The following EGR1 variants were observed in gnomAD, a reference collection of about 807,000 sequenced individuals.
EGR1 encodes the protein early growth response protein 1.
A neutral mutation model predicts 30.2 loss-of-function variants in EGR1; 8 were observed. That is an observed-to-expected ratio of 0.26 (90% CI 0.16 to 0.48). EGR1 has a LOEUF of 0.48. Ranked by LOEUF, EGR1 falls within the 20% of genes least tolerant of loss-of-function variation. The pLI, the probability that EGR1 is intolerant of heterozygous loss-of-function variation, is 0.99. For synonymous variants in EGR1, 334 were observed against 312.8 expected (o/e 1.07, Z -0.72); for missense variants, 568 against 732.3 (o/e 0.78, Z 2.59).
In EGR1 at chr5:138,467,167, T is replaced by C; in HGVS notation, c.718T>C (p.Tyr240His). ...AGCGCTCCAGTACCCGCCTCCTGCC[T>C]ACCCTGCCGCCAAGGGTGGCTTCCA... ...GTALQYPPPA[Y>H]PAAKGGFQVP... The change falls in exon 2 of 2, where the codon TAC (tyrosine) becomes CAC (histidine). Residue 240 changes from tyrosine (Y) to histidine (H), a missense_variant. By Grantham distance (83) the Tyr-to-His change is moderately conservative. Coordinates refer to ENST00000239938, the MANE Select transcript of EGR1 (RefSeq NM_001964.3). The surrounding 1 kb of genome is among the most constrained non-coding windows in gnomAD (Gnocchi z 8.3). The C allele has an allele frequency of 6.2e-7, 1 of 1,613,056 alleles. No individual in the cohort carries two copies. The highest frequency in any genetic ancestry group is 8.5e-7 in the Non-Finnish European group (1 of 1,179,942).
Position 138,468,458 on chromosome 5 carries a change from T to C in EGR1, c.*377T>C. The C allele has an allele frequency of 2.4e-6, 1 of 415,328 alleles. No homozygotes were observed. Among genetic ancestry groups the C allele is most frequent in the African/African-American group, 2.0e-5 (1 of 49,718 alleles). The allele number at this position is 415,328 out of a possible 1,614,324, so 25.7% of individuals were successfully genotyped here. A position where few individuals can be genotyped will look rare whatever the true frequency, so the allele number is the denominator to read the frequency against. On this transcript the variant is annotated 3_prime_UTR_variant, in exon 2 of 2. Transcript: ENST00000239938. Reference sequence around the variant, plus strand: ...GTTGGCAAAATGGGGTTTGGGCCCCTCAGAGCCCTGCCCTGCACCCTTGTA... The same window carrying C: ...GTTGGCAAAATGGGGTTTGGGCCCCCCAGAGCCCTGCCCTGCACCCTTGTA...
At position 138,467,814 on chromosome 5, in the gene EGR1, TACCTCTTATCCATCCCCGGCCACC is replaced by T. The variant is rs764267087; in HGVS notation, c.1371_1394del (p.Ala462_Pro469del). 8.4e-5 allele frequency: 136 copies of T among 1,613,248 alleles called. No individual in the cohort carries two copies. The highest frequency in any genetic ancestry group is 1.6e-4 in the Middle Eastern group (1 of 6,080). On this transcript the variant is annotated inframe_deletion, in exon 2 of 2. Coordinates refer to ENST00000239938, the MANE Select transcript of EGR1 (RefSeq NM_001964.3). The surrounding 1 kb of genome is among the most constrained non-coding windows in gnomAD (Gnocchi z 8.3). ...CTACCTCTTACCCGTCCCCGGTTAC[TACCTCTTATCCATCCCCGGCCACC>T]ACCTCATACCCATCCCCTGTGCCCA...
At position 138,468,168 on chromosome 5, in the gene EGR1, GGGTT is replaced by G; in HGVS notation, c.*88_*91del. 1 of 1,528,546 alleles carries G rather than the reference GGGTT, an allele frequency of 6.5e-7. No homozygotes were observed. The highest frequency in any genetic ancestry group is 1.4e-5 in the African/African-American group (1 of 72,562). The allele number at this position is 1,528,546 out of a possible 1,614,324, so 94.7% of individuals were successfully genotyped here. A position where few individuals can be genotyped will look rare whatever the true frequency, so the allele number is the denominator to read the frequency against. On this transcript the variant is annotated 3_prime_UTR_variant, in exon 2 of 2. Transcript: ENST00000239938. ...AGGAGGAGATGGCCATAGGAGAGGA[GGGTT>G]CCTCTTAGGTCAGATGGAGGTTCTC...
Position 138,466,892 on chromosome 5 carries a change from C to T in EGR1, c.443C>T (p.Thr148Ile). ...SLEPAPNSGN[T>I]LWPEPLFSLV... is the part of the protein sequence containing the mutation. Reference sequence around the variant, plus strand: ...GAGCCTGCACCCAACAGTGGCAACACCTTGTGGCCCGAGCCCCTCTTCAGC... The same window carrying T: ...GAGCCTGCACCCAACAGTGGCAACATCTTGTGGCCCGAGCCCCTCTTCAGC... Residue 148 changes from threonine (T) to isoleucine (I), a missense_variant, in exon 2 of 2, where the codon ACC becomes ATC. Thr to Ile is a moderately conservative substitution (Grantham distance 89). Transcript: ENST00000239938. 6.2e-7 allele frequency: 1 copy of T among 1,614,114 alleles called. No homozygotes were observed. Among genetic ancestry groups the T allele is most frequent in the Non-Finnish European group, 8.5e-7 (1 of 1,180,026 alleles).
chr5:138,465,770 G>A lies in EGR1; in HGVS notation c.9G>A (p.Ala3=). 1 of 1,599,844 alleles carries A rather than the reference G, an allele frequency of 6.3e-7. No individual in the cohort carries two copies. The highest frequency in any genetic ancestry group is 1.1e-5 in the South Asian group (1 of 90,214). The change falls in exon 1 of 2, where the codon GCG becomes GCA. Residue 3 remains alanine (A), a synonymous_variant. Transcript: ENST00000239938. ...CAGCCTGCTCGTCCAGGATGGCCGC[G>A]GCCAAGGCCGAGATGCAGCTGATGT... MA[A]AKAEMQLMSP...
At position 138,467,559 on chromosome 5, in the gene EGR1, C is replaced by A; in HGVS notation, c.1110C>A (p.Cys370Ter). 1 of 1,613,898 alleles carries A rather than the reference C, an allele frequency of 6.2e-7. No homozygotes were observed. Reference sequence around the variant, plus strand: ...ACACAGGCCAGAAGCCCTTCCAGTGCCGCATCTGCATGCGCAACTTCAGCC... The same window carrying A: ...ACACAGGCCAGAAGCCCTTCCAGTGACGCATCTGCATGCGCAACTTCAGCC... The part of the protein sequence containing the change: ...RIHTGQKPFQ[C>*]RICMRNFSRS... Residue 370 changes from cysteine to a stop codon, truncating the protein, a stop_gained, in exon 2 of 2, where the codon TGC becomes TGA. Transcript: ENST00000239938. LOFTEE classifies it high-confidence loss of function. The surrounding 1 kb of genome is among the most constrained non-coding windows in gnomAD (Gnocchi z 8.3).
Position 138,465,601 on chromosome 5 carries a change from C to T in EGR1, c.-161C>T, listed in dbSNP as rs1764140885. On this transcript the variant is annotated 5_prime_UTR_variant, in exon 1 of 2. Transcript: ENST00000239938. ...GCAGCCGCGGCGCGTCCACGCCCGC[C>T]CGCGCCCAGGGCGAGTCGGGGTCGC... 3 of 729,400 alleles carry T rather than the reference C, an allele frequency of 4.1e-6. No homozygotes were observed. The highest frequency in any genetic ancestry group is 8.9e-5 in the South Asian group (2 of 22,510). The allele number at this position is 729,400 out of a possible 1,614,324, so 45.2% of individuals were successfully genotyped here. A position where few individuals can be genotyped will look rare whatever the true frequency, so the allele number is the denominator to read the frequency against.
In EGR1 at chr5:138,465,856, A is replaced by T. The variant is rs1427288402; in HGVS notation, c.95A>T (p.Tyr32Phe). 1 of 1,613,684 alleles carries T rather than the reference A, an allele frequency of 6.2e-7. No individual in the cohort carries two copies. The highest frequency in any genetic ancestry group is 1.3e-5 in the African/African-American group (1 of 74,890). The part of the protein sequence containing the change: ...SFPHSPTMDN[Y>F]PKLEEMMLLS... ...CCTCACTCGCCCACCATGGACAACT[A>T]CCCTAAGCTGGAGGAGATGATGCTG... is the stretch of plus-strand genomic sequence containing the variant. The change falls in exon 1 of 2, where the codon TAC (tyrosine) becomes TTC (phenylalanine). Residue 32 changes from tyrosine to phenylalanine, a missense_variant. Physicochemically the swap from Tyr to Phe is conservative, Grantham distance 22. Transcript: ENST00000239938.
chr5:138,466,027 A>C lies in EGR1; in HGVS notation c.266A>C (p.Gln89Pro). ...SSSSSSTFNP[Q>P]ADTGEQPYEH... ...AGCAGCAGCAGCACCTTCAACCCTC[A>C]GGCGGACACGGGCGAGCAGCCCTAC... The change falls in exon 1 of 2, where the codon CAG becomes CCG. Residue 89 changes from glutamine to proline, a missense_variant. Physicochemically the swap from Gln to Pro is moderately conservative, Grantham distance 76. This residue lies in a region of EGR1 where 415 missense variants were observed against 445.2 expected (regional missense o/e 0.93). Transcript: ENST00000239938. 1 of 1,603,994 alleles carries C rather than the reference A, an allele frequency of 6.2e-7. No homozygotes were observed.
rs1580993026 is a variant in EGR1, at chr5:138,468,512, C to T, written c.*431C>T. 4.7e-6 allele frequency: 1 copy of T among 213,688 alleles called. No individual in the cohort carries two copies. Among genetic ancestry groups the T allele is most frequent in the Non-Finnish European group, 9.9e-6 (1 of 100,966 alleles). The allele number at this position is 213,688 out of a possible 1,614,324, so 13.2% of individuals were successfully genotyped here. On this transcript the variant is annotated 3_prime_UTR_variant, in exon 2 of 2. Coordinates refer to ENST00000239938, the MANE Select transcript of EGR1 (RefSeq NM_001964.3). ...TGTCTGTGCCATGGATTTCGTTTTT[C>T]TTGGGGTACTCTTGATGTGAAGATA...
rs1431546100 is a variant in EGR1 at position 138,467,368 on chromosome 5, C to A, written c.919C>A (p.Leu307Ile). 1.2e-6 allele frequency: 2 copies of A among 1,614,062 alleles called. No homozygotes were observed. Among genetic ancestry groups the A allele is most frequent in the Non-Finnish European group, 1.7e-6 (2 of 1,180,048 alleles). Residue 307 changes from leucine to isoleucine, a missense_variant, in exon 2 of 2, where the codon CTC (leucine) becomes ATC (isoleucine). Leu to Ile is a conservative substitution (Grantham distance 5). This residue lies in a region of EGR1 where 415 missense variants were observed against 445.2 expected (regional missense o/e 0.93). Coordinates refer to ENST00000239938, the MANE Select transcript of EGR1 (RefSeq NM_001964.3). The surrounding 1 kb of genome is among the most constrained non-coding windows in gnomAD (Gnocchi z 8.3). ...GTCGGGCTCCCAGGACCTGAAGGCC[C>A]TCAATACCAGCTACCAGTCCCAGCT... ...TQSGSQDLKA[L>I]NTSYQSQLIK...
At position 138,467,708 on chromosome 5, in the gene EGR1, G is replaced by A; in HGVS notation, c.1259G>A (p.Arg420Gln). The A allele has an allele frequency of 6.2e-7, 1 of 1,614,174 alleles. No individual in the cohort carries two copies. Among genetic ancestry groups the A allele is most frequent in the East Asian group, 2.2e-5 (1 of 44,884 alleles). The part of the protein sequence containing the change: ...ERKRHTKIHL[R>Q]QKDKKADKSV... The stretch of plus-strand genomic sequence containing the variant: ...AAGAGGCATACCAAGATCCACTTGC[G>A]GCAGAAGGACAAGAAAGCAGACAAA... Residue 420 changes from arginine (R) to glutamine (Q), a missense_variant, in exon 2 of 2, where the codon CGG becomes CAG. Arg to Gln is a conservative substitution (Grantham distance 43). Around this residue, in one of 4 missense-constraint regions of EGR1, gnomAD observed 118 missense variants for 161.6 expected, o/e 0.73. Coordinates refer to ENST00000239938, the MANE Select transcript of EGR1 (RefSeq NM_001964.3). This position sits in a 1 kb window ranked among gnomAD's most constrained non-coding sequence, Gnocchi z 8.3.
chr5:138,467,788 GCTACCTCTTACCCGTCCCCGGTTA>G lies in EGR1; in HGVS notation c.1350_1373del (p.Val454_Pro461del), dbSNP rs571997670. Reference sequence around the variant, plus strand: ...TCTCTCTTCCTACCCGTCCCCGGTTGCTACCTCTTACCCGTCCCCGGTTACTACCTCTTATCCATCCCCGGCCAC... The same window carrying G: ...TCTCTCTTCCTACCCGTCCCCGGTTGCTACCTCTTATCCATCCCCGGCCAC... On this transcript the variant is annotated inframe_deletion, in exon 2 of 2. Transcript: ENST00000239938. This position sits in a 1 kb window ranked among gnomAD's most constrained non-coding sequence, Gnocchi z 8.3. The G allele has an allele frequency of 3.2e-4, 521 of 1,613,576 alleles. 2 individuals carry two copies. In the African/African-American group the frequency reaches 5.7e-3, roughly 18 times the overall value.
In EGR1 at chr5:138,466,087, C is replaced by G. The variant is rs1350948668; in HGVS notation, c.307+19C>G. On this transcript the variant is annotated intron_variant, in intron 1 of 1. Coordinates refer to ENST00000239938, the MANE Select transcript of EGR1 (RefSeq NM_001964.3). ...ACCGCAGGTAAGCAGTGGCCTACGCCGAGGGGGAACCCTTTCGCCACCATC... is the reference window on the plus strand; with the variant it reads ...ACCGCAGGTAAGCAGTGGCCTACGCGGAGGGGGAACCCTTTCGCCACCATC... 12 of 1,540,718 alleles carry G rather than the reference C, an allele frequency of 7.8e-6. No homozygotes were observed. Among genetic ancestry groups the G allele is most frequent in the Non-Finnish European group, 8.7e-6 (10 of 1,146,736 alleles).
chr5:138,467,681 G>GC lies in EGR1; in HGVS notation c.1233dup (p.Lys412GlnfsTer130). 1 of 1,614,202 alleles carries GC rather than the reference G, an allele frequency of 6.2e-7. No individual in the cohort carries two copies. Among genetic ancestry groups the GC allele is most frequent in the Non-Finnish European group, 8.5e-7 (1 of 1,180,038 alleles). Reference sequence around the variant, plus strand: ...AGAAAGTTTGCCAGGAGCGATGAACGCAAGAGGCATACCAAGATCCACTTG... The same window carrying GC: ...AGAAAGTTTGCCAGGAGCGATGAACGCCAAGAGGCATACCAAGATCCACTTG... On this transcript the variant is annotated frameshift_variant, in exon 2 of 2. Transcript: ENST00000239938. LOFTEE classifies it high-confidence loss of function. The surrounding 1 kb of genome is among the most constrained non-coding windows in gnomAD (Gnocchi z 8.3).
rs199731696 is a variant in EGR1 at position 138,468,142 on chromosome 5, G to A, written c.*61G>A. On this transcript the variant is annotated 3_prime_UTR_variant, in exon 2 of 2. Transcript: ENST00000239938. ...GAAACACAAGAGACTTAAAGGACAG[G>A]AGGAGGAGATGGCCATAGGAGAGGA... is the stretch of plus-strand genomic sequence containing the variant. 3.8e-5 allele frequency: 59 copies of A among 1,535,044 alleles called. No individual in the cohort carries two copies. The African/African-American group carries it at 6.6e-4, about 17-fold the overall frequency.
Position 138,468,228 on chromosome 5 carries a change from G to A in EGR1, c.*147G>A. The A allele has an allele frequency of 6.7e-7, 1 of 1,499,602 alleles. No individual in the cohort carries two copies. Among genetic ancestry groups the A allele is most frequent in the Non-Finnish European group, 9.0e-7 (1 of 1,115,270 alleles). The allele number at this position is 1,499,602 out of a possible 1,614,324, so 92.9% of individuals were successfully genotyped here. On this transcript the variant is annotated 3_prime_UTR_variant, in exon 2 of 2. Transcript: ENST00000239938. ...CAAGTCCTCCCTCTCTACTGGAGTG[G>A]AAGGTCTATTGGCCAACAATCCTTT... is the stretch of plus-strand genomic sequence containing the variant.
rs1229612199 is a variant in EGR1, at chr5:138,467,725, G to A, written c.1276G>A (p.Ala426Thr). 1 of 1,614,208 alleles carries A rather than the reference G, an allele frequency of 6.2e-7. No individual in the cohort carries two copies. Among genetic ancestry groups the A allele is most frequent in the Non-Finnish European group, 8.5e-7 (1 of 1,180,034 alleles). ...KIHLRQKDKK[A>T]DKSVVASSAT... is the part of the protein sequence containing the mutation. ...CCACTTGCGGCAGAAGGACAAGAAAGCAGACAAAAGTGTTGTGGCCTCTTC... is the reference window on the plus strand; with the variant it reads ...CCACTTGCGGCAGAAGGACAAGAAAACAGACAAAAGTGTTGTGGCCTCTTC... The change falls in exon 2 of 2, where the codon GCA becomes ACA. Residue 426 changes from alanine to threonine, a missense_variant. Physicochemically the swap from Ala to Thr is moderately conservative, Grantham distance 58. Coordinates refer to ENST00000239938, the MANE Select transcript of EGR1 (RefSeq NM_001964.3). The surrounding 1 kb of genome is among the most constrained non-coding windows in gnomAD (Gnocchi z 8.3).
Position 138,467,220 on chromosome 5 carries a change from T to C in EGR1, c.771T>C (p.Phe257=). 2 of 1,613,388 alleles carry C rather than the reference T, an allele frequency of 1.2e-6. No individual in the cohort carries two copies. Among genetic ancestry groups the C allele is most frequent in the Non-Finnish European group, 1.7e-6 (2 of 1,179,998 alleles). The change falls in exon 2 of 2, where the codon TTT becomes TTC. Residue 257 remains phenylalanine, a synonymous_variant. Coordinates refer to ENST00000239938, the MANE Select transcript of EGR1 (RefSeq NM_001964.3). The surrounding 1 kb of genome is among the most constrained non-coding windows in gnomAD (Gnocchi z 8.3). The stretch of plus-strand genomic sequence containing the variant: ...TTCCCATGATCCCCGACTACCTGTT[T>C]CCACAGCAGCAGGGGGATCTGGGCC... ...FQVPMIPDYL[F]PQQQGDLGLG...
Sources: allele counts gnomAD v4.1 joint callset, GRCh38; gene constraint gnomAD v4.1.1; regional missense constraint gnomAD v4.1.1; non-coding constraint Gnocchi (gnomAD v3.1); transcripts MANE v1.5; gene names NCBI Gene and HGNC (gene_info 2026-07-23, HGNC 2026-07-21).